SORBS2: variants seen among roughly 807,000 people sequenced by gnomAD.
SORBS2 encodes sorbin and SH3 domain-containing protein 2.
A neutral mutation model predicts 97.7 loss-of-function variants in SORBS2; 46 were observed. The ratio of observed to expected loss-of-function variants is 0.47; its 90% CI spans 0.37 to 0.60. The LOEUF (loss-of-function observed/expected upper bound fraction) is 0.60, where lower values mean the gene tolerates loss of function less well. Among genes scored for constraint, SORBS2 ranks in the 20% least tolerant of loss-of-function variants. SORBS2 has a pLI of 0.00. For missense variants in SORBS2, 1,316 were observed against 1,282.3 expected (o/e 1.03, Z -0.40); for synonymous variants, 476 against 473.4 (o/e 1.01, Z -0.07).
intron 2 of SORBS2, among the ~76,000 whole-genome samples, chr4:185,764,676 T>C (rs2153613815): frequency 6.6e-6 from 1 of 152,174 alleles, no homozygotes; most frequent in East Asian, 1.9e-4. Flanking sequence ...ACAATTTACT[T>C]CCTATGTAGA....
intron 4 of SORBS2, chr4:185,646,370 T>A: frequency 4.6e-6 from 1 of 219,596 alleles, no homozygotes; most frequent in Non-Finnish European, 8.9e-6. Flanking sequence ...TGTGTGTGCA[T>A]ACACATGTGT....
intron 4 of SORBS2, 117 bp from the exon 8 acceptor site, chr4:185,662,359 T>C: frequency 9.6e-7 from 1 of 1,044,012 alleles, no homozygotes; most frequent in Non-Finnish European, 1.4e-6. Context: ...TGCCAAGCTC[T>C]TATTTATTTT....
At chr4:185,948,510 A>ATTTTTTTTTTTTTTTTTTTTTTTTTTTTT (rs34637572) in intron 1 of SORBS2, among the ~76,000 whole-genome samples, 1 of 87,736 alleles carries the variant, frequency 1.1e-5, no homozygotes, top group Non-Finnish European at 2.1e-5. Flanking sequence ...ATGAATTTCA[A>ATTTTTTTTTTTTTTTTTTTTTTTTTTTTT]TTTTTTTTTT....
chr4:185,651,826 C>T, intron 2 of SORBS2: 1 of 1,442,342 alleles, frequency 6.9e-7, no homozygotes, highest in African/African-American at 1.4e-5. Context: ...TCTGTGTCAT[C>T]ATCTAGAAAA....
intron 1 of SORBS2, among the ~76,000 whole-genome samples, chr4:185,814,361 CA>C (rs113675433): frequency 0.032 from 3,801 of 118,714 alleles, 108 homozygotes; most frequent in African/African-American, 0.083. Flanking sequence ...TGCATCTCTA[CA>C]AAAAAAAAAA....
chr4:185,678,947 G>A (rs1022672197), intron 2 of SORBS2, 125 bp from the exon 6 acceptor site: 2 of 489,000 alleles, frequency 4.1e-6, no homozygotes, highest in Non-Finnish European at 7.0e-6. Context: ...TAAAATCTGG[G>A]TATGTCAAAC....
In SORBS2 at chr4:185,606,714, G is replaced by A. The variant is rs1452649256; in HGVS notation, c.2796+5066C>T. On this transcript the variant is annotated intron_variant, in intron 12 of 14. Coordinates refer to ENST00000418609, the Ensembl canonical transcript of SORBS2. The surrounding 1 kb of genome is among the most constrained non-coding windows in gnomAD (Gnocchi z 4.3). ...CCTCTTCAATGTGCAGGTGTGGGGT[G>A]CCCTCTGACCCATCGTGGCCACACC... 3 of 985,130 alleles carry A rather than the reference G, an allele frequency of 3.0e-6. No homozygotes were observed. The highest frequency in any genetic ancestry group is 3.6e-6 in the Non-Finnish European group (3 of 829,920). 61.0% of individuals were successfully genotyped at this position (985,130 alleles called of 1,614,324 possible). A position where few individuals can be genotyped will look rare whatever the true frequency, so the allele number is the denominator to read the frequency against.
intron 2 of SORBS2, among the ~76,000 whole-genome samples, chr4:185,707,741 G>C (rs1052278054): frequency 6.6e-6 from 1 of 152,080 alleles, no homozygotes. Context: ...AAGGCAAAGG[G>C]CATCTTACAT....
At chr4:185,743,740 C>T (rs1433079675) in intron 2 of SORBS2, among the ~76,000 whole-genome samples, 1 of 151,614 alleles carries the variant, frequency 6.6e-6, no homozygotes, top group Non-Finnish European at 1.5e-5. Flanking sequence ...TGATTTCTTC[C>T]TCCTCTTCCT....
chr4:185,815,168 T>G (rs771675297), intron 1 of SORBS2, among the ~76,000 whole-genome samples: 1 of 152,202 alleles, frequency 6.6e-6, no homozygotes, highest in Non-Finnish European at 1.5e-5. Context: ...TAATGGCCCA[T>G]TATTGTTTGA....
intron 4 of SORBS2, chr4:185,665,775 A>G (rs1405961641): frequency 3.3e-5 from 36 of 1,080,650 alleles, no homozygotes; most frequent in Non-Finnish European, 3.9e-5. Flanking sequence ...CATCTGTCAC[A>G]GCAGACCTCT....
chr4:185,828,178 G>A (rs2099203001), intron 1 of SORBS2, among the ~76,000 whole-genome samples: 1 of 152,196 alleles, frequency 6.6e-6, no homozygotes, highest in South Asian at 2.1e-4. Context: ...GACAAAGGGA[G>A]AAAGTAAACT....
intron 2 of SORBS2, among the ~76,000 whole-genome samples, chr4:185,728,551 G>T (rs1454237711): frequency 1.3e-5 from 2 of 152,122 alleles, no homozygotes; most frequent in African/African-American, 2.4e-5. Flanking sequence ...CAAAACCACA[G>T]GCTCTTGTTT....
At chr4:185,636,293 A>G (rs1225607701) in intron 4 of SORBS2, among the ~76,000 whole-genome samples, 4 of 152,254 alleles carry the variant, frequency 2.6e-5, no homozygotes, top group Non-Finnish European at 5.9e-5. Flanking sequence ...CATTCCTCCT[A>G]TGAGATAATA....
chr4:185,674,863 A>G (rs2097769980), intron 4 of SORBS2, among the ~76,000 whole-genome samples: 1 of 152,164 alleles, frequency 6.6e-6, no homozygotes, highest in African/African-American at 2.4e-5. Flanking sequence ...ACTTGACATG[A>G]TATCTGGTCT....
rs149910687 is a variant in SORBS2 at position 185,883,716 on chromosome 4, G to A, written c.-338+72480C>T. Among the ~76,000 whole-genome samples, 301 of 152,300 alleles carry A rather than the reference G, an allele frequency of 2.0e-3. 1 individual carries two copies. The highest frequency in any genetic ancestry group is 7.0e-3 in the African/African-American group (293 of 41,564). On this transcript the variant is annotated intron_variant, in intron 1 of 20. Coordinates refer to the SORBS2 transcript ENST00000284776. ...TAACAAATTAAATTATCCGGGTGTG[G>A]TGGCATGTGCCTGTAGTCCCAGCTA... is the stretch of plus-strand genomic sequence containing the variant.
intron 1 of SORBS2, among the ~76,000 whole-genome samples, chr4:185,863,405 T>C (rs1055860531): frequency 6.6e-6 from 1 of 152,236 alleles, no homozygotes; most frequent in Non-Finnish European, 1.5e-5. Context: ...CCTATGCTTA[T>C]TTCCTTCTGG....
chr4:185,663,081 G>A (rs957911448), intron 4 of SORBS2, among the ~76,000 whole-genome samples: 1 of 152,066 alleles, frequency 6.6e-6, no homozygotes, highest in African/African-American at 2.4e-5. Context: ...CACAGATATC[G>A]AGCTCAGGAC....
intron 4 of SORBS2, among the ~76,000 whole-genome samples, chr4:185,663,951 T>C (rs1434164400): frequency 7.0e-6 from 1 of 143,028 alleles, no homozygotes; most frequent in African/African-American, 2.6e-5. Flanking sequence ...GCCTCCCGGG[T>C]TCATGTCATT....
Sources: allele counts gnomAD v4.1 joint callset (sites outside exome capture counted in the v4.1 genomes callset), GRCh38; gene constraint gnomAD v4.1.1; non-coding constraint Gnocchi (gnomAD v3.1); transcripts MANE v1.5; gene names NCBI Gene and HGNC (gene_info 2026-07-23, HGNC 2026-07-21).